Variants in CA14 observed in about 807,000 individuals in gnomAD.
CA14 encodes the protein carbonic anhydrase 14, also known as CA-XIV.
CA14 carries 44 observed loss-of-function variants against 48.8 expected under a neutral mutation model. The ratio of observed to expected loss-of-function variants is 0.90; its 90% confidence interval spans 0.71 to 1.16. The LOEUF (loss-of-function observed/expected upper bound fraction) is 1.16, where lower values mean the gene tolerates loss of function less well. Ranked by LOEUF, CA14 falls within the 50% of genes most tolerant of loss-of-function variation. The pLI, the probability that CA14 is intolerant of heterozygous loss-of-function variation, is 0.00. For missense variants in CA14, 386 were observed against 401.0 expected, an observed-to-expected ratio of 0.96 and a Z score of 0.32; for synonymous variants, 154 against 155.0, an observed-to-expected ratio of 0.99 and a Z score of 0.05.
intron 2 of CA14, chr1:150,260,455 G>A (rs1650916859): frequency 9.6e-6 from 5 of 519,520 alleles, no homozygotes; most frequent in Admixed American, 5.9e-5. Context: ...TGGGAACTCT[G>A]AGCTTAGCTG....
rs1168655049 is a variant in CA14, at chr1:150,260,751, G to GATTTTTTTTTTTTTTTTTT, written c.76+580_76+581insATTTTTTTTTTTTTTTTTT. 9.5e-5 allele frequency: 10 copies of GATTTTTTTTTTTTTTTTTT among 104,848 alleles called. 5 individuals are homozygous for GATTTTTTTTTTTTTTTTTT. The highest frequency in any genetic ancestry group is 2.5e-4 in the Admixed American group (2 of 8,034). The allele number at this position is 104,848 out of a possible 1,614,324, so 6.5% of individuals were successfully genotyped here. ...CCTCCAGGAGACCGTATCTCTCTAG[G>GATTTTTTTTTTTTTTTTTT]TTATTTTTTTTTTTTTTTTTTTTTT... On this transcript the variant is annotated intron_variant, in intron 2 of 10. Coordinates refer to ENST00000369111, the MANE Select transcript of CA14 (RefSeq NM_012113.3).
At chr1:150,263,731 G>T (rs782155166) in intron 9 of CA14, 52 bp downstream of exon 9, 46 of 1,612,520 alleles carry the variant, frequency 2.9e-5, no homozygotes, top group South Asian at 2.6e-4. Flanking sequence ...CTCACCGAGT[G>T]GGGGAAAGGC....
intron 3 of CA14, 81 bp downstream of exon 3, chr1:150,261,719 T>C (rs1553847903): frequency 7.6e-7 from 1 of 1,307,766 alleles, no homozygotes; most frequent in African/African-American, 1.5e-5. Context: ...ATGGGCATGA[T>C]GATGGGGTGT....
At chr1:150,262,327 CAG>C (rs782319702) in intron 4 of CA14, 27 bp downstream of exon 4, 2 of 1,578,368 alleles carry the variant, frequency 1.3e-6, no homozygotes, top group Non-Finnish European at 1.7e-6. Flanking sequence ...AGCTGGGACT[CAG>C]ACAAAGTAAC....
intron 3 of CA14, 73 bp from the exon 4 acceptor site, chr1:150,262,085 A>C: frequency 2.5e-6 from 4 of 1,581,972 alleles, no homozygotes; most frequent in Non-Finnish European, 3.5e-6. Context: ...GTCTCCCAAG[A>C]AGTGGTGGCA....
At position 150,263,293 on chromosome 1, in the gene CA14, C is replaced by T. The variant is rs373055861; in HGVS notation, c.721-6C>T. 4 of 1,614,070 alleles carry T rather than the reference C, an allele frequency of 2.5e-6. No homozygotes were observed. The African/African-American group carries it at 5.3e-5, about 22-fold the overall frequency. ...GTAACACCTCTCCCACGCTTCTGCTCCTCAGCTGGAAAAGCTTCAGGGGAC... is the reference window on the plus strand; with the variant it reads ...GTAACACCTCTCCCACGCTTCTGCTTCTCAGCTGGAAAAGCTTCAGGGGAC... On this transcript the variant is annotated splice_polypyrimidine_tract_variant and splice_region_variant and intron_variant, in intron 7 of 10. Transcript: ENST00000369111.
chr1:150,262,152 T>C lies in CA14; in HGVS notation c.257-6T>C. The stretch of plus-strand genomic sequence containing the variant: ...CACCAATCCGAGTTTGCTCTTTTCC[T>C]CACAGTGCAACTCTCTCTGCCCTCT... On this transcript the variant is annotated splice_region_variant and splice_polypyrimidine_tract_variant and intron_variant, in intron 3 of 10. Coordinates refer to ENST00000369111, the MANE Select transcript of CA14 (RefSeq NM_012113.3). 1 of 1,614,130 alleles carries C rather than the reference T, an allele frequency of 6.2e-7. No homozygotes were observed. The highest frequency in any genetic ancestry group is 1.7e-5 in the Admixed American group (1 of 60,022).
rs1553848242 is a variant in CA14, at chr1:150,262,997, T to C, written c.563-45T>C. ...TTCTGGGAGCCCTATCTAGGTAAGCTAGGGCACACTGAAAGGAAGATGAGT... is the reference window on the plus strand; with the variant it reads ...TTCTGGGAGCCCTATCTAGGTAAGCCAGGGCACACTGAAAGGAAGATGAGT... On this transcript the variant is annotated intron_variant, in intron 6 of 10. Coordinates refer to ENST00000369111, the MANE Select transcript of CA14 (RefSeq NM_012113.3). 6 of 1,611,398 alleles carry C rather than the reference T, an allele frequency of 3.7e-6. No individual in the cohort carries two copies. In the Admixed American group the frequency reaches 1.0e-4, roughly 27 times the overall value.
chr1:150,261,724 G>T, intron 3 of CA14, 86 bp downstream of exon 3: 1 of 1,263,732 alleles, frequency 7.9e-7, no homozygotes, highest in East Asian at 2.4e-5. Flanking sequence ...CATGATGATG[G>T]GGTGTTCCTG....
At chr1:150,262,918 A>G in intron 6 of CA14, 48 bp downstream of exon 6, 1 of 1,587,904 alleles carries the variant, frequency 6.3e-7, no homozygotes, top group South Asian at 1.1e-5. Flanking sequence ...ACTTTCAAAA[A>G]CTATCCTTAA....
intron 10 of CA14, 150 bp from the exon 11 acceptor site, chr1:150,264,443 T>C (rs1553848906): frequency 1.8e-6 from 1 of 557,430 alleles, no homozygotes; most frequent in Non-Finnish European, 3.2e-6. Flanking sequence ...CCTCAAGTGA[T>C]CCGCCCGCCT....
At chr1:150,260,398 A>T (rs1402065810) in intron 2 of CA14, 1 of 641,650 alleles carries the variant, frequency 1.6e-6, no homozygotes, top group Non-Finnish European at 2.9e-6. Context: ...TTAAGTCCTC[A>T]GTAAATCGTG....
At chr1:150,262,695 C>A in intron 5 of CA14, 75 bp downstream of exon 5, 1 of 1,411,232 alleles carries the variant, frequency 7.1e-7, no homozygotes, top group Non-Finnish European at 1.0e-6. Flanking sequence ...TGTTGCTGGC[C>A]TCCTTCCTAT....
At chr1:150,260,481 G>A (rs587640021) in intron 2 of CA14, 37 of 479,618 alleles carry the variant, frequency 7.7e-5, no homozygotes, top group Non-Finnish European at 1.4e-4. Context: ...TCTCCTTCTG[G>A]CTCCGTCTAT....
intron 2 of CA14, 23 bp downstream of exon 2, chr1:150,260,194 C>CG: frequency 6.2e-7 from 1 of 1,613,086 alleles, no homozygotes. Context: ...CAAGGCCTCC[C>CG]GACAACCCTT....
chr1:150,261,260 A>C, intron 2 of CA14, 199 bp from the exon 3 acceptor site: 3 of 565,558 alleles, frequency 5.3e-6, no homozygotes, highest in East Asian at 2.9e-5. Context: ...GGGAAGGGGA[A>C]CTGCAGCATG....
intron 1 of CA14, among the ~76,000 whole-genome samples, chr1:150,258,736 T>C (rs372946335): frequency 1.2e-4 from 19 of 152,134 alleles, no homozygotes; most frequent in Non-Finnish European, 2.4e-4. Flanking sequence ...CATTTTACAG[T>C]TTACAAAGGA....
rs782443282 is a variant in CA14 at position 150,263,077 on chromosome 1, G to A, written c.598G>A (p.Glu200Lys). 2.0e-5 allele frequency: 32 copies of A among 1,613,998 alleles called. No individual in the cohort carries two copies. The highest frequency in any genetic ancestry group is 2.5e-5 in the Non-Finnish European group (30 of 1,180,026). ...CTCAGTGCCTCCCTTCAACCTAAGAGAGCTGCTCCCCAAACAGCTGGGGCA... is the reference window on the plus strand; with the variant it reads ...CTCAGTGCCTCCCTTCAACCTAAGAAAGCTGCTCCCCAAACAGCTGGGGCA... ...KTSVPPFNLR[E>K]LLPKQLGQYF... Residue 200 changes from glutamate (E) to lysine (K), a missense_variant, in exon 7 of 11, where the codon GAG becomes AAG. Physicochemically the swap from Glu to Lys is moderately conservative, Grantham distance 56. Transcript: ENST00000369111.
chr1:150,258,803 T>C (rs1553847238), intron 1 of CA14, among the ~76,000 whole-genome samples: 1 of 152,202 alleles, frequency 6.6e-6, no homozygotes, highest in Non-Finnish European at 1.5e-5. Flanking sequence ...GCTGAAGCGC[T>C]CCAGGAGTGT....
Sources: gnomAD v4.1 joint callset for allele counts (sites outside exome capture counted in the v4.1 genomes callset) on GRCh38, gnomAD v4.1.1 for gene constraint, MANE v1.5 for transcripts, NCBI Gene and HGNC (gene_info 2026-07-23, HGNC 2026-07-21) for gene names.